NFIB: variants seen among roughly 807,000 people sequenced by gnomAD.
The protein encoded by NFIB is nuclear factor I B, also known as nuclear factor 1 B-type.
In NFIB, 11 loss-of-function variants were observed where a neutral mutation model predicts 61.5. That is an observed-to-expected ratio of 0.18 (90% confidence interval 0.11 to 0.30). The LOEUF (loss-of-function observed/expected upper bound fraction) is 0.30. Among genes scored for constraint, NFIB ranks in the 10% least tolerant of loss-of-function variants. The probability of loss-of-function intolerance (pLI) is 1.00; values close to 1 mark genes in which losing one functional copy is unlikely to be tolerated. For synonymous variants in NFIB, 260 were observed against 216.5 expected, an observed-to-expected ratio of 1.20 and a Z score of -1.76; for missense variants, 471 against 608.9, an observed-to-expected ratio of 0.77 and a Z score of 2.38.
At chr9:14,118,878 T>C (rs2038547272) in intron 8 of NFIB, among the ~76,000 whole-genome samples, 1 of 151,650 alleles carries the variant, frequency 6.6e-6, no homozygotes. Context: ...TCACCTAATA[T>C]GCCCTCTTAA....
At chr9:14,168,630 T>G (rs190472781) in intron 3 of NFIB, among the ~76,000 whole-genome samples, 4 of 152,268 alleles carry the variant, frequency 2.6e-5, no homozygotes, top group Non-Finnish European at 5.9e-5. Flanking sequence ...ATAATCAGAT[T>G]TGCACATCAC....
rs527744881 is a variant in NFIB at position 14,380,720 on chromosome 9, T to A, written c.108+17804A>T. Among the ~76,000 whole-genome samples the A allele has an allele frequency of 1.2e-3, 182 of 152,236 alleles. 2 individuals are homozygous for A. Among genetic ancestry groups the A allele is most frequent in the Non-Finnish European group, 3.7e-4 (25 of 68,008 alleles). On this transcript the variant is annotated intron_variant, in intron 1 of 8. Transcript: ENST00000380934. ...TGGAGAGTAGCAATGACCAGGAGCA[T>A]GGTGCTTTTTATACATGATCTCTCA... is the stretch of plus-strand genomic sequence containing the variant.
At chr9:14,210,665 C>T (rs960764492) in intron 2 of NFIB, among the ~76,000 whole-genome samples, 1 of 151,940 alleles carries the variant, frequency 6.6e-6, no homozygotes, top group Non-Finnish European at 1.5e-5. Flanking sequence ...TGATCTGTCA[C>T]TTTATATGGC....
Position 14,082,106 on chromosome 9 carries a change from TG to T in NFIB, c.*6202del. ...CCTTCACTAACATTCTGGCCCAGTC[TG>T]GGGTTGATCCCAGAGGCCTGAACTC... is the stretch of plus-strand genomic sequence containing the variant. On this transcript the variant is annotated 3_prime_UTR_variant, in exon 11 of 11. Coordinates refer to ENST00000380953, the MANE Select transcript of NFIB (RefSeq NM_001190737.2). The T allele has an allele frequency of 4.7e-6, 1 of 211,130 alleles. No homozygotes were observed. The highest frequency in any genetic ancestry group is 9.6e-6 in the Non-Finnish European group (1 of 103,630). 13.1% of individuals were successfully genotyped at this position (211,130 alleles called of 1,614,324 possible).
At chr9:14,345,406 C>T (rs2061006371) in intron 1 of NFIB, among the ~76,000 whole-genome samples, 1 of 152,154 alleles carries the variant, frequency 6.6e-6, no homozygotes, top group Non-Finnish European at 1.5e-5. Flanking sequence ...TTTTCTTAAT[C>T]CCATCTTTCT....
rs1326471853 is a variant in NFIB at position 14,307,781 on chromosome 9, A to G, written c.31-261T>C. Reference sequence around the variant, plus strand: ...GGAAATAAGGTTTATATTTTGTATTACACTCTGGCCCCATCCCCCTTGTTT... The same window carrying G: ...GGAAATAAGGTTTATATTTTGTATTGCACTCTGGCCCCATCCCCCTTGTTT... On this transcript the variant is annotated intron_variant, in intron 1 of 10. Coordinates refer to ENST00000380953, the MANE Select transcript of NFIB (RefSeq NM_001190737.2). The surrounding 1 kb of genome is among the most constrained non-coding windows in gnomAD (Gnocchi z 5.3). 1.5e-5 allele frequency: 5 copies of G among 341,520 alleles called. No homozygotes were observed. The highest frequency in any genetic ancestry group is 8.9e-5 in the Admixed American group (2 of 22,540). 21.2% of individuals were successfully genotyped at this position (341,520 alleles called of 1,614,324 possible). A position where few individuals can be genotyped will look rare whatever the true frequency, so the allele number is the denominator to read the frequency against.
At chr9:14,435,533 G>A in the NFIB span, among the ~76,000 whole-genome samples, 1 of 152,212 alleles carries the variant, frequency 6.6e-6, no homozygotes, top group African/African-American at 2.4e-5. Context: ...TATTATGAGG[G>A]TTAAACAGAT....
the NFIB span, among the ~76,000 whole-genome samples, chr9:14,444,625 C>T: frequency 6.6e-6 from 1 of 152,084 alleles, no homozygotes; most frequent in African/African-American, 2.4e-5. Flanking sequence ...AAAGAAAACG[C>T]AAGTCTTACG....
At chr9:14,189,526 T>C (rs996100389) in intron 2 of NFIB, among the ~76,000 whole-genome samples, 3 of 151,934 alleles carry the variant, frequency 2.0e-5, no homozygotes, top group African/African-American at 7.3e-5. Context: ...ACAAGTATTT[T>C]TGTGGAAAAA....
At chr9:14,412,214 T>C in the NFIB span, among the ~76,000 whole-genome samples, 54 of 152,320 alleles carry the variant, frequency 3.5e-4, 2 homozygotes, top group East Asian at 9.8e-3. Context: ...CATATGGTCT[T>C]AGATTGTCCT....
chr9:14,135,929 C>A (rs569072944), intron 6 of NFIB, among the ~76,000 whole-genome samples: 5 of 152,192 alleles, frequency 3.3e-5, no homozygotes, highest in Admixed American at 2.6e-4. Context: ...AAAGTAAAAT[C>A]TTTTCTAATA....
At chr9:14,202,994 G>A (rs2049220584) in intron 2 of NFIB, among the ~76,000 whole-genome samples, 1 of 152,148 alleles carries the variant, frequency 6.6e-6, no homozygotes, top group Non-Finnish European at 1.5e-5. Context: ...ACATCTGTAA[G>A]AACTGTTACT....
chr9:14,115,251 T>G (rs1158844148), intron 9 of NFIB, among the ~76,000 whole-genome samples: 6 of 151,236 alleles, frequency 4.0e-5, no homozygotes, highest in African/African-American at 1.5e-4. Flanking sequence ...CTGATTCACA[T>G]GGAAATTTCA....
intron 1 of NFIB, among the ~76,000 whole-genome samples, chr9:14,330,082 G>A (rs886349062): frequency 2.6e-5 from 4 of 151,988 alleles, no homozygotes; most frequent in South Asian, 2.1e-4. Context: ...AGCCAAGATC[G>A]CGCCACTGCA....
At chr9:14,483,872 C>T in the NFIB span, among the ~76,000 whole-genome samples, 39 of 152,168 alleles carry the variant, frequency 2.6e-4, no homozygotes, top group South Asian at 6.2e-4. Context: ...TGTTTCTTCA[C>T]GGAACACTTG....
chr9:14,279,957 G>A (rs2058260546), intron 2 of NFIB, among the ~76,000 whole-genome samples: 1 of 152,156 alleles, frequency 6.6e-6, no homozygotes, highest in African/African-American at 2.4e-5. Flanking sequence ...AACACAACCA[G>A]CGGGATTGCT....
chr9:14,401,617 T>C (rs2061744110), upstream of NFIB, among the ~76,000 whole-genome samples: 1 of 152,238 alleles, frequency 6.6e-6, no homozygotes, highest in African/African-American at 2.4e-5. Context: ...AGGAATGCAA[T>C]TTCTGTACCG....
chr9:14,414,435 A>G, the NFIB span, among the ~76,000 whole-genome samples: 5 of 149,758 alleles, frequency 3.3e-5, no homozygotes, highest in East Asian at 9.8e-4. Context: ...CTGTCTCAAA[A>G]AAAAAAAAAA....
chr9:14,423,692 T>C, the NFIB span, among the ~76,000 whole-genome samples: 2,512 of 152,310 alleles, frequency 0.016, 72 homozygotes, highest in African/African-American at 0.057. Context: ...GGGAACCTAT[T>C]TGAAGATCAT....
Sources: allele counts gnomAD v4.1 joint callset (sites outside exome capture counted in the v4.1 genomes callset), GRCh38; gene constraint gnomAD v4.1.1; non-coding constraint Gnocchi (gnomAD v3.1); transcripts MANE v1.5; gene names NCBI Gene and HGNC (gene_info 2026-07-23, HGNC 2026-07-21).